TALDO1: variants seen among roughly 807,000 people sequenced by gnomAD.
TALDO1 encodes transaldolase.
A neutral mutation model predicts 38.1 loss-of-function variants in TALDO1; 29 were observed. The observed-to-expected ratio is 0.76, with a 90% CI of 0.57 to 1.04. TALDO1 has a LOEUF of 1.04. Ranked by LOEUF, TALDO1 falls within the 50% of genes least tolerant of loss-of-function variation. The pLI is 0.00. For missense variants in TALDO1, 499 were observed against 438.1 expected (o/e 1.14, Z -1.24); for synonymous variants, 207 against 176.8 (o/e 1.17, Z -1.36).
At chr11:760,022 T>C (rs1354325979) in intron 3 of TALDO1, 100 bp from the exon 4 acceptor site, 20 of 1,552,104 alleles carry the variant, frequency 1.3e-5, no homozygotes, top group Non-Finnish European at 1.8e-5. Flanking sequence ...CTCACGGTGG[T>C]GCTGCTCAAA....
intron 4 of TALDO1, among the ~76,000 whole-genome samples, chr11:761,958 G>A (rs1564993482): frequency 1.3e-5 from 2 of 151,366 alleles, no homozygotes; most frequent in Non-Finnish European, 2.9e-5. Context: ...GGCCTCATTT[G>A]TGTGTTTTTT....
chr11:756,019 G>C lies in TALDO1; in HGVS notation c.221+17G>C. On this transcript the variant is annotated intron_variant, in intron 2 of 7. Coordinates refer to ENST00000319006, the MANE Select transcript of TALDO1 (RefSeq NM_006755.2). ...GCTGGGCGGGTGAGTGCCTGGACTC[G>C]GGAGGGTCCCAGCTAGGCCCTCGTG... The C allele has an allele frequency of 1.2e-6, 2 of 1,610,460 alleles. No homozygotes were observed. The highest frequency in any genetic ancestry group is 1.7e-6 in the Non-Finnish European group (2 of 1,178,824).
chr11:764,185 C>CTGG, intron 6 of TALDO1, 103 bp from the exon 7 acceptor site: 1 of 1,594,560 alleles, frequency 6.3e-7, no homozygotes, highest in Non-Finnish European at 8.6e-7. Context: ...AGGCCTGGCC[C>CTGG]TGGTGGGAGA....
chr11:754,174 A>G (rs1009873627), intron 1 of TALDO1, among the ~76,000 whole-genome samples: 28 of 151,658 alleles, frequency 1.8e-4, no homozygotes, highest in African/African-American at 5.8e-4. Context: ...TAGTAGGGAC[A>G]GGGTTTCGCC....
At chr11:752,628 C>G (rs1029298154) in intron 1 of TALDO1, among the ~76,000 whole-genome samples, 1 of 152,144 alleles carries the variant, frequency 6.6e-6, no homozygotes, top group African/African-American at 2.4e-5. Flanking sequence ...AATACCTGAA[C>G]ACATGGAGCC....
At chr11:750,190 C>T (rs1443632633) in intron 1 of TALDO1, among the ~76,000 whole-genome samples, 1 of 152,156 alleles carries the variant, frequency 6.6e-6, no homozygotes, top group Non-Finnish European at 1.5e-5. Flanking sequence ...ATCCCCGTGT[C>T]CCTCAGAGAC....
chr11:748,050 C>T (rs71469828), intron 1 of TALDO1, among the ~76,000 whole-genome samples: 1 of 152,260 alleles, frequency 6.6e-6, no homozygotes, highest in Non-Finnish European at 1.5e-5. Flanking sequence ...CTCTGTGCAC[C>T]TTCATGGGTC....
At chr11:753,420 A>G (rs1050117731) in intron 1 of TALDO1, among the ~76,000 whole-genome samples, 6 of 151,972 alleles carry the variant, frequency 3.9e-5, no homozygotes, top group Admixed American at 2.6e-4. Context: ...AGTCCCAGCT[A>G]CTCGGGAGGC....
At chr11:763,188 T>C (rs1468512463) in intron 4 of TALDO1, among the ~76,000 whole-genome samples, 156 bp from the exon 5 acceptor site, 3 of 108,124 alleles carry the variant, frequency 2.8e-5, no homozygotes, top group African/African-American at 1.1e-4. Context: ...TGCATTCACC[T>C]GCCCCGCCCT....
chr11:763,618 A>G (rs1862994211), intron 5 of TALDO1, 99 bp downstream of exon 5: 2 of 1,577,030 alleles, frequency 1.3e-6, no homozygotes, highest in Non-Finnish European at 1.7e-6. Flanking sequence ...ACAAGCAGTG[A>G]GGTGCACAGG....
intron 1 of TALDO1, among the ~76,000 whole-genome samples, chr11:750,410 C>T (rs1862730024): frequency 6.6e-6 from 1 of 151,992 alleles, no homozygotes; most frequent in Non-Finnish European, 1.5e-5. Flanking sequence ...ATCACTTAAG[C>T]CCAGGAGGTT....
chr11:756,669 T>A (rs1006393318), intron 2 of TALDO1, among the ~76,000 whole-genome samples: 1 of 152,016 alleles, frequency 6.6e-6, no homozygotes, highest in Non-Finnish European at 1.5e-5. Context: ...GCATGCGCCA[T>A]CACACCTGGC....
At chr11:762,363 C>G (rs186675862) in intron 4 of TALDO1, among the ~76,000 whole-genome samples, 4 of 152,182 alleles carry the variant, frequency 2.6e-5, no homozygotes, top group Admixed American at 1.3e-4. Flanking sequence ...ATCTCTTGAG[C>G]TGTGATGTAT....
chr11:764,208 G>A (rs1863009065), intron 6 of TALDO1, 80 bp from the exon 7 acceptor site: 2 of 1,609,446 alleles, frequency 1.2e-6, no homozygotes, highest in East Asian at 2.2e-5. Context: ...CTTGGGTGCA[G>A]CAGTTCAGGC....
At chr11:752,422 C>T (rs1442242513) in intron 1 of TALDO1, 1 of 152,280 alleles carries the variant, frequency 6.6e-6, no homozygotes, top group Admixed American at 6.6e-5. Context: ...ACCCTCATTT[C>T]AAAAGGGGTC....
chr11:747,496 C>G lies in TALDO1; in HGVS notation c.15C>G (p.Pro5=). The change falls in exon 1 of 8, where the codon CCC becomes CCG. Residue 5 remains proline, a synonymous_variant. Coordinates refer to ENST00000319006, the MANE Select transcript of TALDO1 (RefSeq NM_006755.2). ...TCGGTCTTGCTATGTCGAGCTCACC[C>G]GTGAAGCGTCAGAGGATGGAGTCCG... MSSS[P]VKRQRMESAL... 6.3e-7 allele frequency: 1 copy of G among 1,599,502 alleles called. No homozygotes were observed. The highest frequency in any genetic ancestry group is 8.5e-7 in the Non-Finnish European group (1 of 1,174,612).
intron 2 of TALDO1, among the ~76,000 whole-genome samples, chr11:757,692 T>A (rs1357546362): frequency 6.6e-6 from 1 of 152,212 alleles, no homozygotes; most frequent in Non-Finnish European, 1.5e-5. Context: ...ATCATGGACT[T>A]CACTGGGTGT....
chr11:763,986 G>A, intron 6 of TALDO1, 42 bp downstream of exon 6: 2 of 1,595,274 alleles, frequency 1.3e-6, no homozygotes, highest in Admixed American at 1.7e-5. Flanking sequence ...CTCGGGCAAG[G>A]CCAGCACTGC....
Position 763,383 on chromosome 11 carries a change from G to A in TALDO1, c.501G>A (p.Thr167=), listed in dbSNP as rs148922231. The change falls in exon 5 of 8, where the codon ACG becomes ACA. Residue 167 remains threonine, a synonymous_variant. Transcript: ENST00000319006. ...EEQHGIHCNM[T]LLFSFAQAVA... Reference sequence around the variant, plus strand: ...AGCACGGCATCCACTGCAACATGACGTTACTCTTCTCCTTCGCCCAGGCTG... The same window carrying A: ...AGCACGGCATCCACTGCAACATGACATTACTCTTCTCCTTCGCCCAGGCTG... 2.9e-5 allele frequency: 47 copies of A among 1,609,978 alleles called. No individual in the cohort carries two copies. In the Admixed American group the frequency reaches 3.5e-4, roughly 12 times the overall value.
Sources: gnomAD v4.1 joint callset for allele counts (sites outside exome capture counted in the v4.1 genomes callset) on GRCh38, gnomAD v4.1.1 for gene constraint, MANE v1.5 for transcripts, NCBI Gene and HGNC (gene_info 2026-07-23, HGNC 2026-07-21) for gene names.